ANKS3: variants seen among roughly 807,000 people sequenced by gnomAD.
ANKS3 encodes the protein ankyrin repeat and sterile alpha motif domain containing 3, also known as ankyrin repeat and SAM domain-containing protein 3.
In ANKS3, 62 loss-of-function variants were observed where a neutral mutation model predicts 80.7. That is an observed-to-expected ratio of 0.77 (90% CI 0.63 to 0.95). ANKS3 has a LOEUF of 0.95. Among genes scored for constraint, ANKS3 ranks in the 40% least tolerant of loss-of-function variants. The probability of loss-of-function intolerance (pLI) is 0.00; values close to 1 mark genes in which losing one functional copy is unlikely to be tolerated. For synonymous variants in ANKS3, 489 were observed against 355.3 expected (o/e 1.38, Z -4.23); for missense variants, 1,150 against 883.6 (o/e 1.30, Z -3.82).
chr16:4,722,231 AAAAC>A (rs1394197385), intron 6 of ANKS3, among the ~76,000 whole-genome samples: 5 of 151,468 alleles, frequency 3.3e-5, no homozygotes, highest in Non-Finnish European at 5.9e-5. Flanking sequence ...AAGTGAGAAA[AAAAC>A]AAACTATCCA....
rs943959818 is a variant in ANKS3 at position 4,731,773 on chromosome 16, G to A, written c.-70-194C>T. Among the ~76,000 whole-genome samples, 10 of 152,272 alleles carry A rather than the reference G, an allele frequency of 6.6e-5. No homozygotes were observed. In the South Asian group the frequency reaches 2.1e-3, roughly 32 times the overall value. On this transcript the variant is annotated intron_variant, in intron 1 of 17. Transcript: ENST00000304283. ...AGGCATCCTTTGAAGAGAGAGCTAT[G>A]GGGGGAAATATAACAGGCCGGTGAA...
intron 6 of ANKS3, among the ~76,000 whole-genome samples, chr16:4,714,765 G>A (rs899069090): frequency 3.3e-5 from 5 of 151,932 alleles, no homozygotes; most frequent in Non-Finnish European, 5.9e-5. Flanking sequence ...AGGCCGAGGT[G>A]GGCAGATCAC....
At chr16:4,732,206 G>C (rs2081654378) in intron 1 of ANKS3, among the ~76,000 whole-genome samples, 1 of 152,170 alleles carries the variant, frequency 6.6e-6, no homozygotes, top group South Asian at 2.1e-4. Flanking sequence ...AGATCGTGCA[G>C]TGCCCTTCCC....
chr16:4,706,748 C>G (rs1157043753), intron 7 of ANKS3, among the ~76,000 whole-genome samples: 1 of 152,122 alleles, frequency 6.6e-6, no homozygotes, highest in African/African-American at 2.4e-5. Context: ...ATGAGATCTC[C>G]TTGTGGAGTG....
At chr16:4,725,174 T>A (rs759610291) in intron 5 of ANKS3, 4 of 188,292 alleles carry the variant, frequency 2.1e-5, no homozygotes, top group Admixed American at 6.1e-5. Flanking sequence ...GCATCTCCCA[T>A]CCATTCATCC....
chr16:4,720,199 C>A (rs371692683), intron 6 of ANKS3, among the ~76,000 whole-genome samples: 1 of 146,208 alleles, frequency 6.8e-6, no homozygotes, highest in Non-Finnish European at 1.5e-5. Flanking sequence ...CACGGTGGCT[C>A]ACGCCTGTAA....
intron 11 of ANKS3, chr16:4,700,354 T>A (rs1216267777): frequency 6.3e-6 from 1 of 157,902 alleles, no homozygotes; most frequent in South Asian, 1.8e-4. Context: ...GAGGAGGAGG[T>A]TGCAGTGAGC....
Position 4,698,902 on chromosome 16 carries a change from G to C in ANKS3, c.1449C>G (p.Ala483=). ...GTGGGCGGGCACTGCTGTGCCAGCG[G>C]GCAATGGCGGACGTCATCTTCCTCT... The part of the protein sequence containing the change: ...GPKRKMTSAI[A]RWHSSARPPG... Residue 483 remains alanine (A), a synonymous_variant, in exon 13 of 18, where the codon GCC becomes GCG. Coordinates refer to ENST00000304283, the MANE Select transcript of ANKS3 (RefSeq NM_133450.4). 6.3e-7 allele frequency: 1 copy of C among 1,599,444 alleles called. No homozygotes were observed. The highest frequency in any genetic ancestry group is 8.5e-7 in the Non-Finnish European group (1 of 1,171,492).
chr16:4,733,105 G>A (rs1596472960), intron 1 of ANKS3, among the ~76,000 whole-genome samples: 1 of 147,180 alleles, frequency 6.8e-6, no homozygotes. Context: ...TGGAGGGTGG[G>A]GATGCTTAAT....
intron 7 of ANKS3, among the ~76,000 whole-genome samples, chr16:4,707,413 C>G (rs1297560514): frequency 6.6e-6 from 1 of 151,790 alleles, no homozygotes; most frequent in African/African-American, 2.4e-5. Flanking sequence ...TCCCGAGTAG[C>G]TGGGATTGTA....
chr16:4,724,727 T>A, intron 6 of ANKS3, 23 bp downstream of exon 6: 2 of 1,605,828 alleles, frequency 1.2e-6, no homozygotes, highest in Admixed American at 3.4e-5. Flanking sequence ...CTACATTACA[T>A]GCTAATAATC....
intron 6 of ANKS3, among the ~76,000 whole-genome samples, chr16:4,714,989 T>A (rs1251228929): frequency 3.7e-4 from 6 of 16,100 alleles, no homozygotes; most frequent in East Asian, 2.2e-3. Context: ...AGACTCTGTC[T>A]CAAAAAAAAA....
chr16:4,702,260 C>T lies in ANKS3; in HGVS notation c.869-18G>A. On this transcript the variant is annotated intron_variant, in intron 8 of 17. Coordinates refer to ENST00000304283, the MANE Select transcript of ANKS3 (RefSeq NM_133450.4). ...AGCCTGCTCTGTGTACAGAATGGGG[C>T]CCATAAGCCCAGGGAACTCCAAAGT... The T allele has an allele frequency of 1.3e-6, 2 of 1,498,260 alleles. No homozygotes were observed. The highest frequency in any genetic ancestry group is 2.5e-5 in the Admixed American group (1 of 39,980). 92.8% of individuals were successfully genotyped at this position (1,498,260 alleles called of 1,614,324 possible). A position where few individuals can be genotyped will look rare whatever the true frequency, so the allele number is the denominator to read the frequency against.
intron 3 of ANKS3, chr16:4,728,127 G>A (rs1202542626): frequency 6.6e-6 from 1 of 152,022 alleles, no homozygotes; most frequent in Non-Finnish European, 1.5e-5. Context: ...CTCACTGCAA[G>A]CTCCGCCTCC....
In ANKS3 at chr16:4,698,148, G is replaced by C. The variant is rs901020447; in HGVS notation, c.1725-86C>G. The C allele has an allele frequency of 4.9e-6, 7 of 1,430,242 alleles. No homozygotes were observed. The African/African-American group carries it at 1.0e-4, about 20-fold the overall frequency. The allele number at this position is 1,430,242 out of a possible 1,614,324, so 88.6% of individuals were successfully genotyped here. A position where few individuals can be genotyped will look rare whatever the true frequency, so the allele number is the denominator to read the frequency against. ...CCTCAGACCTTCTAGGGGAGGGAGGGGCTCAGCCCTGTCCTTGCAGCTGGC... is the reference window on the plus strand; with the variant it reads ...CCTCAGACCTTCTAGGGGAGGGAGGCGCTCAGCCCTGTCCTTGCAGCTGGC... On this transcript the variant is annotated intron_variant, in intron 14 of 17. Transcript: ENST00000304283.
In ANKS3 at chr16:4,696,589, G is replaced by C. The variant is rs1469027155; in HGVS notation, c.*319C>G. 1 of 192,264 alleles carries C rather than the reference G, an allele frequency of 5.2e-6. No homozygotes were observed. Among genetic ancestry groups the C allele is most frequent in the Non-Finnish European group, 1.1e-5 (1 of 93,380 alleles). The allele number at this position is 192,264 out of a possible 1,614,324, so 11.9% of individuals were successfully genotyped here. A position where few individuals can be genotyped will look rare whatever the true frequency, so the allele number is the denominator to read the frequency against. Reference sequence around the variant, plus strand: ...TCCTCATTCCTAAGGTCCCACCTCAGTTGGCACCTGTGCGTGTATATGGAT... The same window carrying C: ...TCCTCATTCCTAAGGTCCCACCTCACTTGGCACCTGTGCGTGTATATGGAT... On this transcript the variant is annotated 3_prime_UTR_variant, in exon 18 of 18. Coordinates refer to ENST00000304283, the MANE Select transcript of ANKS3 (RefSeq NM_133450.4).
At chr16:4,720,228 C>T (rs1357647728) in intron 6 of ANKS3, among the ~76,000 whole-genome samples, 1 of 147,098 alleles carries the variant, frequency 6.8e-6, no homozygotes, top group Non-Finnish European at 1.5e-5. Flanking sequence ...CTTTGGAAGA[C>T]CAAGGCGGGC....
intron 6 of ANKS3, among the ~76,000 whole-genome samples, chr16:4,718,876 A>T (rs999675207): frequency 3.9e-5 from 6 of 152,242 alleles, no homozygotes; most frequent in Non-Finnish European, 8.8e-5. Flanking sequence ...CTTTTAGGAA[A>T]TACATAATGA....
In ANKS3 at chr16:4,696,915, G is replaced by T; in HGVS notation, c.*12-19C>A. Reference sequence around the variant, plus strand: ...TCAGATTCTGAAAGAAAAAGCCCCGGTGAGAAGGGAGGGGGACAGGTGGGT... The same window carrying T: ...TCAGATTCTGAAAGAAAAAGCCCCGTTGAGAAGGGAGGGGGACAGGTGGGT... On this transcript the variant is annotated intron_variant, in intron 17 of 17. Transcript: ENST00000304283. 1 of 1,081,926 alleles carries T rather than the reference G, an allele frequency of 9.2e-7. No individual in the cohort carries two copies. The highest frequency in any genetic ancestry group is 2.0e-5 in the Admixed American group (1 of 49,414). 67.0% of individuals were successfully genotyped at this position (1,081,926 alleles called of 1,614,324 possible). A position where few individuals can be genotyped will look rare whatever the true frequency, so the allele number is the denominator to read the frequency against.
Sources: allele counts gnomAD v4.1 joint callset (sites outside exome capture counted in the v4.1 genomes callset), GRCh38; gene constraint gnomAD v4.1.1; transcripts MANE v1.5; gene names NCBI Gene and HGNC (gene_info 2026-07-23, HGNC 2026-07-21).